The following RBMS1 variants were observed in gnomAD, a reference collection of about 807,000 sequenced individuals.
RBMS1 encodes RNA-binding motif, single-stranded-interacting protein 1.
Under a neutral mutation model 62.3 loss-of-function variants are expected in RBMS1, and 17 were observed. The ratio of observed to expected loss-of-function variants is 0.27; its 90% CI spans 0.19 to 0.41. RBMS1 has a LOEUF of 0.41. Among genes scored for constraint, RBMS1 ranks in the 10% least tolerant of loss-of-function variants. RBMS1 has a pLI of 1.00. For synonymous variants in RBMS1, 172 were observed against 170.0 expected, an observed-to-expected ratio of 1.01 and a Z score of -0.09; for missense variants, 334 against 504.5, an observed-to-expected ratio of 0.66 and a Z score of 3.24.
At chr2:160,304,338 AGTCT>A (rs1689371808) in intron 4 of RBMS1, among the ~76,000 whole-genome samples, 1 of 152,222 alleles carries the variant, frequency 6.6e-6, no homozygotes, top group Non-Finnish European at 1.5e-5. Context: ...ATGTTCTTGA[AGTCT>A]TGTGTTTTAT....
intron 1 of RBMS1, among the ~76,000 whole-genome samples, chr2:160,426,285 G>GAA (rs71338179): frequency 1.0e-5 from 1 of 100,138 alleles, no homozygotes; most frequent in Non-Finnish European, 2.0e-5. Context: ...AAGAAAGAAA[G>GAA]AAAGAAAAGA....
intron 1 of RBMS1, among the ~76,000 whole-genome samples, chr2:160,378,705 C>A (rs1270767849): frequency 3.9e-5 from 6 of 152,008 alleles, no homozygotes; most frequent in Non-Finnish European, 5.9e-5. Flanking sequence ...GAATTAGGAA[C>A]CCTTAAAGAA....
chr2:160,417,879 A>G (rs182751242), intron 1 of RBMS1, among the ~76,000 whole-genome samples: 87 of 152,302 alleles, frequency 5.7e-4, no homozygotes, highest in Non-Finnish European at 3.2e-4. Context: ...TCATATGCTC[A>G]GTTTTTCCAA....
At chr2:160,307,823 A>G (rs1211520503) in intron 4 of RBMS1, among the ~76,000 whole-genome samples, 2 of 152,246 alleles carry the variant, frequency 1.3e-5, no homozygotes, top group Non-Finnish European at 2.9e-5. Flanking sequence ...AAATTAAAAC[A>G]AGAATAAAAA....
intron 1 of RBMS1, among the ~76,000 whole-genome samples, chr2:160,388,269 G>A (rs1008679517): frequency 1.1e-4 from 17 of 152,118 alleles, no homozygotes; most frequent in Non-Finnish European, 1.6e-4. Flanking sequence ...GCTCTTTGAG[G>A]AATAATTCAC....
chr2:160,423,280 T>C (rs1696506996), intron 1 of RBMS1, among the ~76,000 whole-genome samples: 1 of 151,418 alleles, frequency 6.6e-6, no homozygotes, highest in Non-Finnish European at 1.5e-5. Flanking sequence ...AATACATTAA[T>C]ATATTTTCCT....
At chr2:160,419,814 GA>G (rs889366864) in intron 1 of RBMS1, among the ~76,000 whole-genome samples, 2 of 151,988 alleles carry the variant, frequency 1.3e-5, no homozygotes, top group Non-Finnish European at 2.9e-5. Context: ...AAGAAAATGG[GA>G]AAAAAACCAA....
At chr2:160,357,449 A>G (rs1273260001) in intron 2 of RBMS1, among the ~76,000 whole-genome samples, 1 of 152,176 alleles carries the variant, frequency 6.6e-6, no homozygotes, top group Non-Finnish European at 1.5e-5. Flanking sequence ...CATGCTTACC[A>G]GCAGATTTTA....
chr2:160,330,566 A>C (rs1294008448), intron 2 of RBMS1, among the ~76,000 whole-genome samples: 1 of 152,194 alleles, frequency 6.6e-6, no homozygotes, highest in Non-Finnish European at 1.5e-5. Flanking sequence ...CAAAGGGGCA[A>C]AATCAACTGT....
chr2:160,314,473 A>C (rs1054930634), intron 3 of RBMS1, among the ~76,000 whole-genome samples: 1 of 152,178 alleles, frequency 6.6e-6, no homozygotes. Context: ...TATCTAAATT[A>C]GTAGTAATTT....
intron 1 of RBMS1, among the ~76,000 whole-genome samples, chr2:160,454,674 G>A (rs543133552): frequency 2.1e-4 from 32 of 152,184 alleles, no homozygotes; most frequent in Non-Finnish European, 2.9e-4. Flanking sequence ...GAGGAGTGGC[G>A]AGCCAACCTA....
At chr2:160,280,329 G>A (rs199981198) in intron 10 of RBMS1, among the ~76,000 whole-genome samples, 1 of 152,102 alleles carries the variant, frequency 6.6e-6, no homozygotes, top group African/African-American at 2.4e-5. Flanking sequence ...CACACAAAAC[G>A]TATACATATA....
chr2:160,453,384 C>T (rs575179399), intron 1 of RBMS1, among the ~76,000 whole-genome samples: 2 of 152,232 alleles, frequency 1.3e-5, no homozygotes, highest in South Asian at 4.2e-4. Flanking sequence ...AAAGCATTTC[C>T]CCTTGACTCT....
At chr2:160,304,715 T>A (rs1689405431) in intron 4 of RBMS1, among the ~76,000 whole-genome samples, 1 of 152,114 alleles carries the variant, frequency 6.6e-6, no homozygotes. Context: ...ATAGAATAAA[T>A]GTATAAAGAA....
intron 1 of RBMS1, among the ~76,000 whole-genome samples, chr2:160,430,245 GTTTTAAGTCAT>G (rs1682832779): frequency 6.6e-6 from 1 of 152,166 alleles, no homozygotes; most frequent in Admixed American, 6.5e-5. Flanking sequence ...TCATTTTTAA[GTTTTAAGTCAT>G]TTTTAAGTCA....
intron 2 of RBMS1, among the ~76,000 whole-genome samples, chr2:160,339,705 T>C (rs964536499): frequency 6.6e-6 from 1 of 150,972 alleles, no homozygotes; most frequent in African/African-American, 2.5e-5. Flanking sequence ...AATTAAAATA[T>C]ATATATATAT....
At chr2:160,365,695 T>G (rs754511530) in intron 2 of RBMS1, among the ~76,000 whole-genome samples, 22 of 152,246 alleles carry the variant, frequency 1.4e-4, no homozygotes, top group Non-Finnish European at 3.1e-4. Context: ...CCTCTTCTCT[T>G]ACACCTCATG....
chr2:160,452,678 G>A (rs769123494), intron 1 of RBMS1, among the ~76,000 whole-genome samples: 1 of 152,192 alleles, frequency 6.6e-6, no homozygotes, highest in African/African-American at 2.4e-5. Context: ...ACCTTATTAC[G>A]AGAATGGTAA....
intron 1 of RBMS1, among the ~76,000 whole-genome samples, chr2:160,472,548 G>A (rs1251825789): frequency 6.6e-6 from 1 of 152,122 alleles, no homozygotes; most frequent in Non-Finnish European, 1.5e-5. Flanking sequence ...TAATATTGTT[G>A]CCTCTTTGCA....
Sources: gnomAD v4.1 joint callset for allele counts (sites outside exome capture counted in the v4.1 genomes callset) on GRCh38, gnomAD v4.1.1 for gene constraint, MANE v1.5 for transcripts, NCBI Gene and HGNC (gene_info 2026-07-23, HGNC 2026-07-21) for gene names.